The following JAZF1 variants were observed in gnomAD, a reference collection of about 807,000 sequenced individuals.
JAZF1 encodes juxtaposed with another zinc finger protein 1.
JAZF1 carries 8 observed loss-of-function variants against 26.4 expected under a neutral mutation model. The observed-to-expected ratio is 0.30, with a 90% confidence interval of 0.18 to 0.55. The LOEUF (loss-of-function observed/expected upper bound fraction) is 0.55, where lower values mean the gene tolerates loss of function less well. Among genes scored for constraint, JAZF1 ranks in the 20% least tolerant of loss-of-function variants. JAZF1 has a pLI of 0.94. For missense variants in JAZF1, 199 were observed against 322.0 expected (o/e 0.62, Z 2.92); for synonymous variants, 126 against 122.3 (o/e 1.03, Z -0.20).
chr7:28,060,106 T>C (rs1331379857), intron 1 of JAZF1, among the ~76,000 whole-genome samples: 1 of 152,200 alleles, frequency 6.6e-6, no homozygotes, highest in Non-Finnish European at 1.5e-5. Context: ...TATTTGATTC[T>C]ATCTAATCTG....
At chr7:27,904,456 T>A (rs1053302237) in intron 2 of JAZF1, among the ~76,000 whole-genome samples, 1 of 152,220 alleles carries the variant, frequency 6.6e-6, no homozygotes, top group Non-Finnish European at 1.5e-5. Flanking sequence ...GTTAATAGAA[T>A]GGCCTTTTTT....
At chr7:27,943,762 G>C (rs1002727007) in intron 2 of JAZF1, among the ~76,000 whole-genome samples, 1 of 152,148 alleles carries the variant, frequency 6.6e-6, no homozygotes, top group Non-Finnish European at 1.5e-5. Context: ...ATTGTCATTT[G>C]GGGTGAGCTA....
At chr7:27,853,407 C>T (rs1176751626) in intron 3 of JAZF1, among the ~76,000 whole-genome samples, 4 of 152,082 alleles carry the variant, frequency 2.6e-5, no homozygotes, top group Non-Finnish European at 4.4e-5. Flanking sequence ...GGGCTGTGCA[C>T]GTGAGGTTCA....
chr7:27,850,121 A>T (rs1783116417), intron 3 of JAZF1, among the ~76,000 whole-genome samples: 1 of 152,228 alleles, frequency 6.6e-6, no homozygotes, highest in Non-Finnish European at 1.5e-5. Context: ...AGTGACAGCA[A>T]ATTAAAACTT....
intron 1 of JAZF1, among the ~76,000 whole-genome samples, chr7:28,037,198 G>A (rs924406480): frequency 1.3e-5 from 2 of 152,158 alleles, no homozygotes; most frequent in Non-Finnish European, 2.9e-5. Flanking sequence ...TAAATATTAT[G>A]TTTTCTTGCA....
intron 1 of JAZF1, among the ~76,000 whole-genome samples, chr7:28,131,050 C>T (rs1436587939): frequency 6.6e-6 from 1 of 152,196 alleles, no homozygotes; most frequent in African/African-American, 2.4e-5. Flanking sequence ...CTTATCATCA[C>T]CATTACCTGG....
chr7:27,878,718 G>A (rs1783721492), intron 3 of JAZF1, among the ~76,000 whole-genome samples: 1 of 152,108 alleles, frequency 6.6e-6, no homozygotes, highest in Admixed American at 6.6e-5. Flanking sequence ...TGAAGCCATT[G>A]CCTCACCTGC....
Position 27,832,060 on chromosome 7 carries a change from C to CTCAA in JAZF1, c.*736_*739dup, listed in dbSNP as rs149951473. On this transcript the variant is annotated 3_prime_UTR_variant, in exon 5 of 5. Coordinates refer to ENST00000283928, the MANE Select transcript of JAZF1 (RefSeq NM_175061.4). ...TTGAATCCCTTGTACCCAGCAGGCACTCAATCAATGTGTGTTAAATGAATG... is the reference window on the plus strand; with the variant it reads ...TTGAATCCCTTGTACCCAGCAGGCACTCAATCAATCAATGTGTGTTAAATGAATG... The CTCAA allele has an allele frequency of 9.4e-6, 2 of 213,596 alleles. 1 individual carries two copies. Among genetic ancestry groups the CTCAA allele is most frequent in the South Asian group, 3.7e-4 (2 of 5,348 alleles). The allele number at this position is 213,596 out of a possible 1,614,324, so 13.2% of individuals were successfully genotyped here.
At chr7:28,022,895 T>A (rs982649910) in intron 1 of JAZF1, among the ~76,000 whole-genome samples, 8 of 152,192 alleles carry the variant, frequency 5.3e-5, no homozygotes, top group African/African-American at 1.9e-4. Flanking sequence ...TAGCTGGGAT[T>A]ACAGGCACGT....
At chr7:28,146,299 G>A (rs183592942) in intron 1 of JAZF1, among the ~76,000 whole-genome samples, 1 of 152,302 alleles carries the variant, frequency 6.6e-6, no homozygotes, top group Admixed American at 6.5e-5. Context: ...AAGGAAAACC[G>A]TTTCCCCATT....
At chr7:28,121,068 C>T (rs998592495) in intron 1 of JAZF1, among the ~76,000 whole-genome samples, 2 of 151,734 alleles carry the variant, frequency 1.3e-5, no homozygotes, top group Non-Finnish European at 2.9e-5. Context: ...AGCATGGTGG[C>T]ACATGCCTGT....
intron 1 of JAZF1, among the ~76,000 whole-genome samples, chr7:28,014,594 C>T (rs1357023886): frequency 6.6e-6 from 1 of 152,230 alleles, no homozygotes; most frequent in Non-Finnish European, 1.5e-5. Context: ...CTTGCTCCTC[C>T]TTGCCTTCCA....
intron 2 of JAZF1, among the ~76,000 whole-genome samples, chr7:27,896,795 T>C (rs773707165): frequency 3.9e-5 from 6 of 152,212 alleles, no homozygotes; most frequent in African/African-American, 9.6e-5. Flanking sequence ...TCTTGAATGG[T>C]TCTTGCAATA....
At chr7:27,883,858 G>A (rs1025996335) in intron 3 of JAZF1, among the ~76,000 whole-genome samples, 9 of 152,266 alleles carry the variant, frequency 5.9e-5, no homozygotes, top group African/African-American at 2.2e-4. Flanking sequence ...TCCCGTAACT[G>A]GTTTATTTGT....
At chr7:28,069,549 T>C (rs1014423774) in intron 1 of JAZF1, among the ~76,000 whole-genome samples, 1 of 152,174 alleles carries the variant, frequency 6.6e-6, no homozygotes, top group African/African-American at 2.4e-5. Flanking sequence ...GCCTGAGCCA[T>C]GCACCTGTAA....
At chr7:28,045,257 A>G (rs1343604467) in intron 1 of JAZF1, among the ~76,000 whole-genome samples, 3 of 152,112 alleles carry the variant, frequency 2.0e-5, no homozygotes, top group Admixed American at 6.6e-5. Flanking sequence ...TTTCCCTAAA[A>G]TCCAAAATAT....
At chr7:27,990,738 C>T (rs1349304859) in intron 2 of JAZF1, among the ~76,000 whole-genome samples, 5 of 151,878 alleles carry the variant, frequency 3.3e-5, no homozygotes, top group African/African-American at 1.2e-4. Flanking sequence ...ATTTCAAAAC[C>T]CTTGCTAATT....
chr7:27,846,383 G>GTA, intron 3 of JAZF1: 1 of 250,566 alleles, frequency 4.0e-6, no homozygotes, highest in South Asian at 2.7e-5. Flanking sequence ...GTACATGTAC[G>GTA]TATATATACA....
chr7:28,067,533 A>C lies in JAZF1; in HGVS notation c.116-75552T>G, dbSNP rs1783903900. On this transcript the variant is annotated intron_variant, in intron 1 of 4. Coordinates refer to ENST00000283928, the MANE Select transcript of JAZF1 (RefSeq NM_175061.4). The stretch of plus-strand genomic sequence containing the variant: ...GCCTCATCAGTGCTGCCCAGGCTAC[A>C]CCAGGCTTTAGGTAATCTGACTTCT... 2.0e-5 allele frequency among the ~76,000 whole-genome samples: 3 copies of C among 152,184 alleles called. No individual in the cohort carries two copies. The South Asian group carries it at 6.2e-4, about 32-fold the overall frequency.
Sources: allele counts gnomAD v4.1 joint callset (sites outside exome capture counted in the v4.1 genomes callset), GRCh38; gene constraint gnomAD v4.1.1; transcripts MANE v1.5; gene names NCBI Gene and HGNC (gene_info 2026-07-23, HGNC 2026-07-21).